GLI2: variants seen among roughly 807,000 people sequenced by gnomAD.
GLI2 encodes the protein transcription activator GLI2.
A neutral mutation model predicts 78.9 loss-of-function variants in GLI2; 22 were observed. The observed-to-expected ratio is 0.28, with a 90% CI of 0.20 to 0.40. The LOEUF is 0.40. Ranked by LOEUF, GLI2 falls within the 10% of genes least tolerant of loss-of-function variation. The pLI is 1.00. For synonymous variants in GLI2, 974 were observed against 963.7 expected (o/e 1.01, Z -0.20); for missense variants, 2,097 against 2,213.2 (o/e 0.95, Z 1.05).
At chr2:120,740,946 G>A (rs945935885) in intron 1 of GLI2, among the ~76,000 whole-genome samples, 3 of 152,198 alleles carry the variant, frequency 2.0e-5, no homozygotes, top group African/African-American at 7.2e-5. Flanking sequence ...CAGCACGGGC[G>A]CAGCCCTGCA....
intron 1 of GLI2, among the ~76,000 whole-genome samples, chr2:120,790,310 G>A (rs1278653471): frequency 6.6e-6 from 1 of 152,172 alleles, no homozygotes; most frequent in African/African-American, 2.4e-5. Flanking sequence ...CTTGCTGGGG[G>A]TGCATCCCCC....
At chr2:120,972,228 A>G (rs1192614858) in intron 8 of GLI2, among the ~76,000 whole-genome samples, 165 bp downstream of exon 8, 2 of 152,194 alleles carry the variant, frequency 1.3e-5, no homozygotes, top group African/African-American at 4.8e-5. Flanking sequence ...TGACTTTCTC[A>G]CCACTGTGTT....
At chr2:120,852,772 C>T (rs527664235) in intron 2 of GLI2, among the ~76,000 whole-genome samples, 17 of 152,196 alleles carry the variant, frequency 1.1e-4, no homozygotes, top group Non-Finnish European at 2.2e-4. Flanking sequence ...TGGTACTGAG[C>T]ACCCCGTATG....
At chr2:120,804,453 A>G (rs1332590671) in intron 2 of GLI2, among the ~76,000 whole-genome samples, 2 of 152,136 alleles carry the variant, frequency 1.3e-5, no homozygotes, top group African/African-American at 2.4e-5. Context: ...CTCTGGGTAT[A>G]AGGGTCAGTT....
chr2:120,748,915 T>C (rs1461224006), intron 1 of GLI2, among the ~76,000 whole-genome samples: 1 of 151,762 alleles, frequency 6.6e-6, no homozygotes, highest in East Asian at 1.9e-4. Context: ...CATCCAACTA[T>C]CCAACCACCC....
intron 2 of GLI2, among the ~76,000 whole-genome samples, chr2:120,886,866 A>G (rs567365547): frequency 5.1e-4 from 78 of 152,336 alleles, no homozygotes; most frequent in African/African-American, 1.8e-3. Context: ...AGCAAGCACA[A>G]GGTGCTGGGA....
At chr2:120,818,922 C>T (rs181931082) in intron 2 of GLI2, among the ~76,000 whole-genome samples, 1 of 152,206 alleles carries the variant, frequency 6.6e-6, no homozygotes, top group South Asian at 2.1e-4. Flanking sequence ...GCAGCCGCAG[C>T]CCCCCGCCCT....
At chr2:120,890,882 C>T (rs537871124) in intron 2 of GLI2, among the ~76,000 whole-genome samples, 2 of 152,268 alleles carry the variant, frequency 1.3e-5, no homozygotes, top group East Asian at 3.9e-4. Context: ...AGCTGGTACC[C>T]AGGTAGTGGG....
At chr2:120,925,934 G>A (rs926190710) in intron 2 of GLI2, among the ~76,000 whole-genome samples, 5 of 151,942 alleles carry the variant, frequency 3.3e-5, no homozygotes, top group Non-Finnish European at 5.9e-5. Flanking sequence ...TTAGCCGGGC[G>A]TGGTGTCGGG....
intron 3 of GLI2, among the ~76,000 whole-genome samples, chr2:120,935,929 A>G (rs1573631194): frequency 6.6e-6 from 1 of 152,256 alleles, no homozygotes; most frequent in Non-Finnish European, 1.5e-5. Flanking sequence ...TGGGTTTTGG[A>G]GAGAGCCGTG....
intron 1 of GLI2, among the ~76,000 whole-genome samples, chr2:120,787,444 A>T (rs1684028952): frequency 6.6e-6 from 1 of 151,802 alleles, no homozygotes; most frequent in Non-Finnish European, 1.5e-5. Flanking sequence ...TCAGTCTTGG[A>T]TTAAGGGGGC....
At chr2:120,976,028 G>A (rs1044657599) in intron 9 of GLI2, among the ~76,000 whole-genome samples, 3 of 152,176 alleles carry the variant, frequency 2.0e-5, no homozygotes, top group Non-Finnish European at 4.4e-5. Flanking sequence ...CCAGCCCTGA[G>A]TGGTTCTCTC....
chr2:120,978,328 C>T (rs1161469853), intron 9 of GLI2, 106 bp from the exon 10 acceptor site: 38 of 1,177,798 alleles, frequency 3.2e-5, no homozygotes, highest in African/African-American at 5.0e-5. Context: ...GCACACAGGT[C>T]GGGGAGGGCT....
At chr2:120,771,058 T>C (rs1683506150) in intron 1 of GLI2, among the ~76,000 whole-genome samples, 1 of 152,222 alleles carries the variant, frequency 6.6e-6, no homozygotes, top group South Asian at 2.1e-4. Context: ...AATCAGAGAC[T>C]TTTGGAAAGC....
rs745603603 is a variant in GLI2 at position 120,978,484 on chromosome 2, C to T, written c.1368C>T (p.Arg456=). 5 of 1,614,176 alleles carry T rather than the reference C, an allele frequency of 3.1e-6. No homozygotes were observed. The Admixed American group carries it at 5.0e-5, about 16-fold the overall frequency. The change falls in exon 10 of 14, where the codon CGC becomes CGT. Residue 456 remains arginine, a synonymous_variant. Transcript: ENST00000361492. ...IHGEKKEFVC[R]WQACTREQKP... ...GGGAGAAGAAGGAGTTTGTGTGCCG[C>T]TGGCAGGCCTGCACGCGGGAGCAGA...
intron 1 of GLI2, among the ~76,000 whole-genome samples, chr2:120,786,082 C>T (rs537993115): frequency 6.6e-6 from 1 of 152,162 alleles, no homozygotes; most frequent in Admixed American, 6.5e-5. Flanking sequence ...AAGGCAGCCT[C>T]ACAATCCCAG....
At chr2:120,972,475 T>G (rs112384543) in intron 8 of GLI2, among the ~76,000 whole-genome samples, 6,982 of 152,248 alleles carry the variant, frequency 0.046, 553 homozygotes, top group African/African-American at 0.16. Context: ...CCTGGCTCCT[T>G]CGCTGCCACT....
At chr2:120,790,308 G>C (rs1287286714) in intron 1 of GLI2, among the ~76,000 whole-genome samples, 2 of 152,162 alleles carry the variant, frequency 1.3e-5, no homozygotes, top group East Asian at 3.9e-4. Flanking sequence ...ATCTTGCTGG[G>C]GGTGCATCCC....
rs1333019656 is a variant in GLI2 at position 120,737,205 on chromosome 2, G to A, written c.-31+920G>A. Among the ~76,000 whole-genome samples the A allele has an allele frequency of 6.6e-6, 1 of 152,150 alleles. No homozygotes were observed. The highest frequency in any genetic ancestry group is 6.5e-5 in the Admixed American group (1 of 15,280). On this transcript the variant is annotated intron_variant, in intron 1 of 13. Coordinates refer to ENST00000361492, the MANE Select transcript of GLI2 (RefSeq NM_001374353.1). The surrounding 1 kb of genome is among the most constrained non-coding windows in gnomAD (Gnocchi z 4.3). Reference sequence around the variant, plus strand: ...CGGACGGGGCGGGGGCGGGGAGCTGGGAGGGAGCGTGTGCTTGCGTGTGTG... The same window carrying A: ...CGGACGGGGCGGGGGCGGGGAGCTGAGAGGGAGCGTGTGCTTGCGTGTGTG...
Sources: allele counts gnomAD v4.1 joint callset (sites outside exome capture counted in the v4.1 genomes callset), GRCh38; gene constraint gnomAD v4.1.1; non-coding constraint Gnocchi (gnomAD v3.1); transcripts MANE v1.5; gene names NCBI Gene and HGNC (gene_info 2026-07-23, HGNC 2026-07-21).